The following UNC80 variants were observed in gnomAD, a reference collection of about 807,000 sequenced individuals.
The protein encoded by UNC80 is unc-80 subunit of NALCN channel complex, also known as protein unc-80 homolog.
A neutral mutation model predicts 384.6 loss-of-function variants in UNC80; 164 were observed. The observed-to-expected ratio is 0.43, with a 90% CI of 0.38 to 0.49. The LOEUF (loss-of-function observed/expected upper bound fraction) is 0.49. Ranked by LOEUF, UNC80 falls within the 20% of genes least tolerant of loss-of-function variation. The pLI, the probability that UNC80 is intolerant of heterozygous loss-of-function variation, is 0.00. For synonymous variants in UNC80, 1,486 were observed against 1,527.8 expected (o/e 0.97, Z 0.64); for missense variants, 3,330 against 4,143.0 (o/e 0.80, Z 5.39).
chr2:209,915,423 AAC>A lies in UNC80; in HGVS notation c.5029+1485_5029+1486del, dbSNP rs1227013376. 9.3e-3 allele frequency among the ~76,000 whole-genome samples: 1,402 copies of A among 150,402 alleles called. 47 individuals carry two copies. The highest frequency in any genetic ancestry group is 0.033 in the African/African-American group (1,318 of 40,328). On this transcript the variant is annotated intron_variant, in intron 31 of 64. Transcript: ENST00000673920. ...CTGTCTCAAAAAAAAAAAAAAAAAAAACAAAAACTGGGTGAATGTGGACGTGC... is the reference window on the plus strand; with the variant it reads ...CTGTCTCAAAAAAAAAAAAAAAAAAAAAAAACTGGGTGAATGTGGACGTGC...
In UNC80 at chr2:209,960,557, T is replaced by A. The variant is rs146947124; in HGVS notation, c.7805+850T>A. ...CTATAAAGGTAAAAGTAGAGTTAGGTTCAGCCACTTCCAAATAACGTTGCA... is the reference window on the plus strand; with the variant it reads ...CTATAAAGGTAAAAGTAGAGTTAGGATCAGCCACTTCCAAATAACGTTGCA... On this transcript the variant is annotated intron_variant, in intron 51 of 64. Coordinates refer to ENST00000673920, the MANE Select transcript of UNC80 (RefSeq NM_001371986.1). Among the ~76,000 whole-genome samples, 14 of 152,364 alleles carry A rather than the reference T, an allele frequency of 9.2e-5. 1 individual carries two copies. In the East Asian group the frequency reaches 2.7e-3, roughly 29 times the overall value.
At chr2:209,918,803 T>C in intron 33 of UNC80, 140 bp downstream of exon 33, 1 of 1,032,920 alleles carries the variant, frequency 9.7e-7, no homozygotes, top group Middle Eastern at 2.7e-4. Flanking sequence ...TCCTTGTGAA[T>C]ATAATAGAGA....
chr2:209,805,853 G>A lies in UNC80; in HGVS notation c.939-7727G>A, dbSNP rs560767827. Among the ~76,000 whole-genome samples, 3 of 152,256 alleles carry A rather than the reference G, an allele frequency of 2.0e-5. No individual in the cohort carries two copies. In the South Asian group the frequency reaches 6.2e-4, roughly 32 times the overall value. ...ACACCAACTAATTTTAGTGCAGAGT[G>A]GGAAGGGACCACAATAGAATGTGAA... is the stretch of plus-strand genomic sequence containing the variant. On this transcript the variant is annotated intron_variant, in intron 7 of 64. Coordinates refer to ENST00000673920, the MANE Select transcript of UNC80 (RefSeq NM_001371986.1).
chr2:209,940,427 A>C lies in UNC80; in HGVS notation c.6646+775A>C, dbSNP rs540079942. ...TTGAGAGAAAGAGAGACACAGAAGG[A>C]GACCCACTTTGGAGCCTCGCTCTGT... On this transcript the variant is annotated intron_variant, in intron 43 of 64. Coordinates refer to ENST00000673920, the MANE Select transcript of UNC80 (RefSeq NM_001371986.1). 2.6e-5 allele frequency among the ~76,000 whole-genome samples: 4 copies of C among 152,350 alleles called. No homozygotes were observed. In the South Asian group the frequency reaches 8.3e-4, roughly 32 times the overall value.
At chr2:209,779,393 T>C (rs778337803) in intron 4 of UNC80, among the ~76,000 whole-genome samples, 1 of 152,206 alleles carries the variant, frequency 6.6e-6, no homozygotes, top group Non-Finnish European at 1.5e-5. Flanking sequence ...AGCCATGTAC[T>C]TGTCATTGGT....
At chr2:209,964,658 T>G (rs967092893) in intron 51 of UNC80, among the ~76,000 whole-genome samples, 2 of 151,738 alleles carry the variant, frequency 1.3e-5, no homozygotes, top group African/African-American at 4.8e-5. Context: ...CGTGGTGGCA[T>G]GCGCCTGTAG....
intron 33 of UNC80, among the ~76,000 whole-genome samples, chr2:209,921,175 A>G (rs1276277578): frequency 6.6e-6 from 1 of 152,244 alleles, no homozygotes; most frequent in Non-Finnish European, 1.5e-5. Flanking sequence ...CTAGAAAGAA[A>G]TAGAGTACTT....
Position 209,872,577 on chromosome 2 carries a change from G to A in UNC80, c.3628-181G>A, listed in dbSNP as rs1474456178. On this transcript the variant is annotated intron_variant, in intron 22 of 64. Transcript: ENST00000673920. This position sits in a 1 kb window ranked among gnomAD's most constrained non-coding sequence, Gnocchi z 4.1. The stretch of plus-strand genomic sequence containing the variant: ...GATCCACATTTTTGGGGGGGATTTT[G>A]CTTTCCAGATTTCTCACTACTGTGT... 1.3e-5 allele frequency among the ~76,000 whole-genome samples: 2 copies of A among 152,094 alleles called. No individual in the cohort carries two copies. The highest frequency in any genetic ancestry group is 2.9e-5 in the Non-Finnish European group (2 of 68,016).
chr2:209,794,427 G>C (rs1020464589), intron 7 of UNC80, among the ~76,000 whole-genome samples: 5 of 152,144 alleles, frequency 3.3e-5, no homozygotes, highest in African/African-American at 4.8e-5. Flanking sequence ...TGGGGCAAGA[G>C]CTCCTGAGAC....
Position 209,940,204 on chromosome 2 carries a change from T to A in UNC80, c.6646+552T>A, listed in dbSNP as rs185764538. Among the ~76,000 whole-genome samples the A allele has an allele frequency of 2.7e-3, 411 of 152,182 alleles. 6 individuals are homozygous for A. The highest frequency in any genetic ancestry group is 1.3e-3 in the Non-Finnish European group (89 of 67,994). On this transcript the variant is annotated intron_variant, in intron 43 of 64. Transcript: ENST00000673920. ...TGTGAAGTTCAAAAAGAGGCAAAAT[T>A]CATCTAGAATGACAGAAATCAGAAT... is the stretch of plus-strand genomic sequence containing the variant.
chr2:209,943,547 A>G (rs1422708431), intron 45 of UNC80, 33 bp downstream of exon 45: 1 of 1,548,632 alleles, frequency 6.5e-7, no homozygotes, highest in Non-Finnish European at 8.7e-7. Flanking sequence ...AAAAATGAAG[A>G]CCAACAAAAT....
intron 61 of UNC80, among the ~76,000 whole-genome samples, chr2:209,986,588 A>G (rs558334000): frequency 6.6e-6 from 1 of 152,304 alleles, no homozygotes; most frequent in South Asian, 2.1e-4. Context: ...CAGTCATGGT[A>G]GTACTTTGAT....
At chr2:209,974,383 T>G (rs930066375) in intron 56 of UNC80, among the ~76,000 whole-genome samples, 1 of 152,198 alleles carries the variant, frequency 6.6e-6, no homozygotes, top group Non-Finnish European at 1.5e-5. Context: ...AGCTCTATCA[T>G]AGAGCCCTAC....
At chr2:209,866,991 G>A (rs2083885327) in intron 22 of UNC80, among the ~76,000 whole-genome samples, 1 of 152,158 alleles carries the variant, frequency 6.6e-6, no homozygotes. Context: ...GATTAAATCA[G>A]GATAACTGGA....
chr2:209,835,040 A>C, intron 18 of UNC80, 30 bp downstream of exon 18: 1 of 1,487,126 alleles, frequency 6.7e-7, no homozygotes, highest in Non-Finnish European at 9.2e-7. Flanking sequence ...TCTCCAGTGC[A>C]GACGGCTATG....
At chr2:209,786,484 A>C (rs1238226492) in intron 5 of UNC80, among the ~76,000 whole-genome samples, 1 of 152,190 alleles carries the variant, frequency 6.6e-6, no homozygotes, top group African/African-American at 2.4e-5. Context: ...AATGGAGCTA[A>C]TATATGTAAA....
In UNC80 at chr2:209,943,655, C is replaced by T. The variant is rs374119276; in HGVS notation, c.7050+141C>T. The T allele has an allele frequency of 3.4e-5, 34 of 986,294 alleles. No homozygotes were observed. In the African/African-American group the frequency reaches 3.9e-4, roughly 11 times the overall value. 61.1% of individuals were successfully genotyped at this position (986,294 alleles called of 1,614,324 possible). On this transcript the variant is annotated intron_variant, in intron 45 of 64. Coordinates refer to ENST00000673920, the MANE Select transcript of UNC80 (RefSeq NM_001371986.1). ...GAGATGCAAAGGCAGGCAGAGGAGT[C>T]GAAAAACTGTATAGTGAAAAAAGGA...
chr2:209,909,369 A>T (rs2088639025), intron 29 of UNC80, among the ~76,000 whole-genome samples: 1 of 152,218 alleles, frequency 6.6e-6, no homozygotes, highest in South Asian at 2.1e-4. Flanking sequence ...GGGACAGGAA[A>T]AGAAACAGCT....
At position 209,872,658 on chromosome 2, in the gene UNC80, A is replaced by G. The variant is rs749973412; in HGVS notation, c.3628-100A>G. ...GGCCAATATAAATCAAAACATGAAG[A>G]GGAAAATAAACTAAAAATACACAGT... On this transcript the variant is annotated intron_variant, in intron 22 of 64. Coordinates refer to ENST00000673920, the MANE Select transcript of UNC80 (RefSeq NM_001371986.1). The surrounding 1 kb of genome is among the most constrained non-coding windows in gnomAD (Gnocchi z 4.1). The G allele has an allele frequency of 1.0e-4, 111 of 1,110,490 alleles. No homozygotes were observed. Among genetic ancestry groups the G allele is most frequent in the Non-Finnish European group, 1.4e-4 (109 of 758,674 alleles). 68.8% of individuals were successfully genotyped at this position (1,110,490 alleles called of 1,614,324 possible). A position where few individuals can be genotyped will look rare whatever the true frequency, so the allele number is the denominator to read the frequency against.
Sources: gnomAD v4.1 joint callset for allele counts (sites outside exome capture counted in the v4.1 genomes callset) on GRCh38, gnomAD v4.1.1 for gene constraint, Gnocchi (gnomAD v3.1) non-coding constraint, MANE v1.5 for transcripts, NCBI Gene and HGNC (gene_info 2026-07-23, HGNC 2026-07-21) for gene names.